Variants in NSUN2 observed in about 807,000 individuals in gnomAD.
NSUN2 encodes the protein RNA cytosine C(5)-methyltransferase NSUN2.
NSUN2 carries 63 observed loss-of-function variants against 92.7 expected under a neutral mutation model. The ratio of observed to expected loss-of-function variants is 0.68; its 90% confidence interval spans 0.56 to 0.84. The LOEUF (loss-of-function observed/expected upper bound fraction) is 0.84, where lower values mean the gene tolerates loss of function less well. Among genes scored for constraint, NSUN2 ranks in the 40% least tolerant of loss-of-function variants. The pLI is 0.00. For synonymous variants in NSUN2, 356 were observed against 348.3 expected, an observed-to-expected ratio of 1.02 and a Z score of -0.25; for missense variants, 989 against 964.9, an observed-to-expected ratio of 1.02 and a Z score of -0.33.
chr5:6,599,882 G>A lies in NSUN2; in HGVS notation c.*44C>T. 6.3e-7 allele frequency: 1 copy of A among 1,578,378 alleles called. No individual in the cohort carries two copies. Among genetic ancestry groups the A allele is most frequent in the African/African-American group, 1.3e-5 (1 of 74,374 alleles). On this transcript the variant is annotated 3_prime_UTR_variant, in exon 19 of 19. Coordinates refer to ENST00000264670, the MANE Select transcript of NSUN2 (RefSeq NM_017755.6). ...AGACACCAGTGACCAGAAGAAGCCAGTTTTGCGTGTGAGGGGTGTGGGCCC... is the reference window on the plus strand; with the variant it reads ...AGACACCAGTGACCAGAAGAAGCCAATTTTGCGTGTGAGGGGTGTGGGCCC...
At chr5:6,625,401 A>G (rs1487495045) in intron 4 of NSUN2, among the ~76,000 whole-genome samples, 163 bp downstream of exon 4, 3 of 152,230 alleles carry the variant, frequency 2.0e-5, no homozygotes, top group Admixed American at 6.5e-5. Context: ...CAACGGATAT[A>G]CAAATAATCA....
intron 12 of NSUN2, 89 bp from the exon 13 acceptor site, chr5:6,607,473 C>T (rs1736824631): frequency 1.8e-6 from 2 of 1,133,816 alleles, no homozygotes; most frequent in South Asian, 3.2e-5. Context: ...TCACAAAATC[C>T]ATCAGTTATA....
At position 6,617,955 on chromosome 5, in the gene NSUN2, T is replaced by C. The variant is rs753305811; in HGVS notation, c.885A>G (p.Leu295=). Residue 295 remains leucine (L), a synonymous_variant, in exon 8 of 19, where the codon CTA becomes CTG. Coordinates refer to ENST00000264670, the MANE Select transcript of NSUN2 (RefSeq NM_017755.6). ...KKWTTLNSLQ[L]HGLQLRIATR... is the part of the protein sequence containing the mutation. ...AGTGATGAAGTTTTACTTACCCATG[T>C]AGCTGCAAGCTATTTAAGGTGGTCC... 5.0e-6 allele frequency: 8 copies of C among 1,612,436 alleles called. No individual in the cohort carries two copies. In the Admixed American group the frequency reaches 1.3e-4, roughly 27 times the overall value.
At chr5:6,603,965 T>C in intron 17 of NSUN2, 173 bp downstream of exon 17, 1 of 615,878 alleles carries the variant, frequency 1.6e-6, no homozygotes, top group Non-Finnish European at 2.8e-6. Context: ...CCTTTGACCC[T>C]TAGCATTCTG....
chr5:6,599,995 A>G lies in NSUN2; in HGVS notation c.2235T>C (p.Asp745=), dbSNP rs2126462206. The G allele has an allele frequency of 6.2e-7, 1 of 1,614,236 alleles. No homozygotes were observed. The highest frequency in any genetic ancestry group is 1.7e-5 in the Admixed American group (1 of 60,036). The change falls in exon 19 of 19, where the codon GAT becomes GAC. Residue 745 remains aspartate (D), a synonymous_variant. Transcript: ENST00000264670. Reference sequence around the variant, plus strand: ...CGTCTGGACTGTTGGCCTCTTCTGCATCTGGGCTGTTGGGCTCTCCTGCTC... The same window carrying G: ...CGTCTGGACTGTTGGCCTCTTCTGCGTCTGGGCTGTTGGGCTCTCCTGCTC... ...GQRAGEPNSP[D]AEEANSPDVT... is the part of the protein sequence containing the mutation.
rs1301462408 is a variant in NSUN2, at chr5:6,625,665, G to A, written c.364C>T (p.Pro122Ser). 1 of 1,612,084 alleles carries A rather than the reference G, an allele frequency of 6.2e-7. No individual in the cohort carries two copies. Among genetic ancestry groups the A allele is most frequent in the Non-Finnish European group, 8.5e-7 (1 of 1,178,316 alleles). ...VEVPQPLSWYPEELAWHTNLS... is the reference protein window; with the variant it reads ...VEVPQPLSWYSEELAWHTNLS... The stretch of plus-strand genomic sequence containing the variant: ...TTTGTGTGCCAGGCAAGTTCTTCAG[G>A]ATACCTGACCAAAAAGAAAGCAAAA... Residue 122 changes from proline to serine, a missense_variant, in exon 4 of 19, where the codon CCT (proline) becomes TCT (serine). This residue lies in a region of NSUN2 where 356 missense variants were observed against 338.6 expected (regional missense o/e 1.05). Coordinates refer to ENST00000264670, the MANE Select transcript of NSUN2 (RefSeq NM_017755.6).
In NSUN2 at chr5:6,625,613, G is replaced by A. The variant is rs750141088; in HGVS notation, c.416C>T (p.Ser139Leu). ...TNLSRKILRK[S>L]PHLEKFHQFL... Reference sequence around the variant, plus strand: ...CTGATGAAACTTTTCCAAGTGTGGCGATTTTCTCAAGATTTTTCGACTTAA... The same window carrying A: ...CTGATGAAACTTTTCCAAGTGTGGCAATTTTCTCAAGATTTTTCGACTTAA... Residue 139 changes from serine to leucine, a missense_variant, in exon 4 of 19, where the codon TCG (serine) becomes TTG (leucine). Coordinates refer to ENST00000264670, the MANE Select transcript of NSUN2 (RefSeq NM_017755.6). 1.3e-5 allele frequency: 21 copies of A among 1,614,150 alleles called. No homozygotes were observed. The highest frequency in any genetic ancestry group is 3.3e-5 in the Admixed American group (2 of 60,024).
At chr5:6,603,043 G>C (rs369038409) in intron 17 of NSUN2, among the ~76,000 whole-genome samples, 1 of 152,178 alleles carries the variant, frequency 6.6e-6, no homozygotes, top group African/African-American at 2.4e-5. Flanking sequence ...GGAACCACAC[G>C]AGTAAGTTTT....
At chr5:6,632,017 C>T in intron 2 of NSUN2, 40 bp from the exon 3 acceptor site, 2 of 1,461,564 alleles carry the variant, frequency 1.4e-6, no homozygotes, top group Admixed American at 1.8e-5. Context: ...ATCTAAAAAA[C>T]TAAGTTAATA....
chr5:6,611,276 TTC>T (rs1276827340), intron 10 of NSUN2, among the ~76,000 whole-genome samples, 191 bp from the exon 11 acceptor site: 10 of 152,028 alleles, frequency 6.6e-5, no homozygotes, highest in Admixed American at 6.6e-4. Flanking sequence ...AATACATAAA[TTC>T]TGTTAAAAAC....
intron 9 of NSUN2, among the ~76,000 whole-genome samples, chr5:6,613,751 T>C (rs776952260): frequency 5.9e-5 from 9 of 152,182 alleles, no homozygotes; most frequent in Non-Finnish European, 1.0e-4. Context: ...CCTTGTCAAT[T>C]GGTTCAGAAG....
chr5:6,621,403 A>C (rs1737433013), intron 6 of NSUN2: 1 of 152,172 alleles, frequency 6.6e-6, no homozygotes, highest in Admixed American at 6.5e-5. Context: ...GGAAATTGTT[A>C]CTAAAAATTC....
intron 3 of NSUN2, among the ~76,000 whole-genome samples, chr5:6,629,971 A>G (rs999557827): frequency 6.6e-6 from 1 of 152,136 alleles, no homozygotes; most frequent in African/African-American, 2.4e-5. Context: ...TTATCTATAC[A>G]TTACTCAGGT....
At chr5:6,604,718 AGAT>A in intron 15 of NSUN2, 33 bp from the exon 16 acceptor site, 2 of 1,549,920 alleles carry the variant, frequency 1.3e-6, no homozygotes, top group Non-Finnish European at 1.8e-6. Context: ...AAACACAGAG[AGAT>A]GAAGACAGGA....
intron 12 of NSUN2, among the ~76,000 whole-genome samples, chr5:6,609,439 T>G (rs948016080): frequency 6.6e-6 from 1 of 152,186 alleles, no homozygotes; most frequent in Admixed American, 6.5e-5. Context: ...CCGGGCTGGC[T>G]TGGGGTCAGC....
Position 6,633,026 on chromosome 5 carries a change from G to A in NSUN2, c.-47C>T. ...AGCACGCAGAAACCGGCCCGCCACGGCCAGAACTCTAGCCCTACACCTCCC... is the reference window on the plus strand; with the variant it reads ...AGCACGCAGAAACCGGCCCGCCACGACCAGAACTCTAGCCCTACACCTCCC... On this transcript the variant is annotated 5_prime_UTR_variant, in exon 1 of 19. Transcript: ENST00000264670. 2.1e-6 allele frequency: 3 copies of A among 1,405,444 alleles called. No homozygotes were observed. The highest frequency in any genetic ancestry group is 2.8e-6 in the Non-Finnish European group (3 of 1,088,194). 87.1% of individuals were successfully genotyped at this position (1,405,444 alleles called of 1,614,324 possible).
chr5:6,603,577 G>A (rs888864740), intron 17 of NSUN2, among the ~76,000 whole-genome samples: 4 of 152,204 alleles, frequency 2.6e-5, no homozygotes, highest in Admixed American at 2.0e-4. Context: ...TGTAGTCCCA[G>A]CTACTTGGGA....
At chr5:6,605,250 C>T (rs1486939487) in intron 15 of NSUN2, 23 bp downstream of exon 15, 1 of 1,613,450 alleles carries the variant, frequency 6.2e-7, no homozygotes, top group Non-Finnish European at 8.5e-7. Flanking sequence ...TCACACAGCA[C>T]TCAGCGTCTG....
At chr5:6,631,515 T>C (rs1476459133) in intron 3 of NSUN2, among the ~76,000 whole-genome samples, 2 of 152,194 alleles carry the variant, frequency 1.3e-5, no homozygotes, top group African/African-American at 4.8e-5. Context: ...CAGGAGACTG[T>C]TGTCAAGCTA....
Sources: allele counts gnomAD v4.1 joint callset (sites outside exome capture counted in the v4.1 genomes callset), GRCh38; gene constraint gnomAD v4.1.1; regional missense constraint gnomAD v4.1.1; transcripts MANE v1.5; gene names NCBI Gene and HGNC (gene_info 2026-07-23, HGNC 2026-07-21).